Variants in PTGIS observed in about 807,000 individuals in gnomAD.
PTGIS encodes prostaglandin I2 synthase.
A neutral mutation model predicts 50.3 loss-of-function variants in PTGIS; 45 were observed. That is an observed-to-expected ratio of 0.90 (90% CI 0.70 to 1.15). PTGIS has a LOEUF of 1.15. Ranked by LOEUF, PTGIS falls within the 50% of genes most tolerant of loss-of-function variation. The pLI is 0.00. For synonymous variants in PTGIS, 260 were observed against 267.7 expected (o/e 0.97, Z 0.28); for missense variants, 668 against 661.3 (o/e 1.01, Z -0.11).
intron 1 of PTGIS, among the ~76,000 whole-genome samples, chr20:49,553,340 A>C: frequency 6.6e-6 from 1 of 152,138 alleles, no homozygotes; most frequent in East Asian, 1.9e-4. Flanking sequence ...GCAAAAAACA[A>C]AAAACACACA....
chr20:49,544,309 G>A lies in PTGIS; in HGVS notation c.517C>T (p.Leu173Phe). 6.2e-7 allele frequency: 1 copy of A among 1,614,126 alleles called. No individual in the cohort carries two copies. The highest frequency in any genetic ancestry group is 1.6e-4 in the Middle Eastern group (1 of 6,062). Residue 173 changes from leucine to phenylalanine, a missense_variant, in exon 4 of 10, where the codon CTC (leucine) becomes TTC (phenylalanine). Coordinates refer to ENST00000244043, the MANE Select transcript of PTGIS (RefSeq NM_000961.4). ...GTGGGGGCTGCACAGCCTCACCTGA[G>A]CAGGAAGCTGTAGGAGAAGTCGAGG... ...GLLDFSYSFL[L>F]RAGYLTLYGI... is the part of the protein sequence containing the mutation.
chr20:49,525,521 T>A (rs771215987), intron 5 of PTGIS, among the ~76,000 whole-genome samples: 1 of 151,956 alleles, frequency 6.6e-6, no homozygotes, highest in Non-Finnish European at 1.5e-5. Flanking sequence ...GGCAGACTGG[T>A]AAGGGGATAA....
intron 5 of PTGIS, among the ~76,000 whole-genome samples, chr20:49,534,057 A>G (rs1340210091): frequency 2.0e-5 from 3 of 152,134 alleles, no homozygotes; most frequent in African/African-American, 7.2e-5. Context: ...GTAACAGTAG[A>G]TTTCATTCAC....
chr20:49,536,454 TTTTCTTTC>T (rs1159152340), intron 5 of PTGIS, among the ~76,000 whole-genome samples: 1,762 of 141,748 alleles, frequency 0.012, 23 homozygotes, highest in Non-Finnish European at 0.018. Flanking sequence ...TCTTTTTTTC[TTTTCTTTC>T]TTTCTTTCTT....
At chr20:49,565,199 T>A (rs961630798) in intron 1 of PTGIS, among the ~76,000 whole-genome samples, 1 of 151,866 alleles carries the variant, frequency 6.6e-6, no homozygotes, top group African/African-American at 2.4e-5. Flanking sequence ...GCCAGAATGG[T>A]CTCGATCTCC....
At chr20:49,523,187 TTTGG>T (rs1211102473) in intron 6 of PTGIS, among the ~76,000 whole-genome samples, 1 of 152,192 alleles carries the variant, frequency 6.6e-6, no homozygotes. Context: ...TGATCATGTA[TTTGG>T]GCTCATTATC....
At position 49,543,310 on chromosome 20, in the gene PTGIS, G is replaced by C. The variant is rs748172740; in HGVS notation, c.521+995C>G. On this transcript the variant is annotated intron_variant, in intron 4 of 9. Coordinates refer to ENST00000244043, the MANE Select transcript of PTGIS (RefSeq NM_000961.4). Reference sequence around the variant, plus strand: ...TCTCTCACCTTGGTGACACCTGGCAGCCTCCTGCTAGGTCCTCCTGCCTCC... The same window carrying C: ...TCTCTCACCTTGGTGACACCTGGCACCCTCCTGCTAGGTCCTCCTGCCTCC... 3.6e-4 allele frequency among the ~76,000 whole-genome samples: 54 copies of C among 152,038 alleles called. 1 individual carries two copies. Among genetic ancestry groups the C allele is most frequent in the Non-Finnish European group, 1.3e-4 (9 of 67,992 alleles).
intron 6 of PTGIS, among the ~76,000 whole-genome samples, chr20:49,522,779 C>T (rs1601184513): frequency 1.3e-5 from 2 of 152,160 alleles, no homozygotes; most frequent in African/African-American, 2.4e-5. Context: ...AATCTCAGCA[C>T]CTTGGGAGGC....
chr20:49,516,885 G>C (rs925912733), intron 6 of PTGIS, among the ~76,000 whole-genome samples: 4 of 152,250 alleles, frequency 2.6e-5, no homozygotes, highest in African/African-American at 9.6e-5. Context: ...GACAGCCTGG[G>C]AGGTGGGCTA....
chr20:49,558,972 C>T (rs183047156), intron 1 of PTGIS, among the ~76,000 whole-genome samples: 2 of 152,194 alleles, frequency 1.3e-5, no homozygotes, highest in Admixed American at 1.3e-4. Flanking sequence ...CTCCGCTTCA[C>T]CAAGTGCTGG....
intron 6 of PTGIS, among the ~76,000 whole-genome samples, chr20:49,516,345 G>A (rs1280288105): frequency 2.6e-5 from 4 of 151,754 alleles, no homozygotes; most frequent in Admixed American, 1.3e-4. Flanking sequence ...TGGCACGATC[G>A]TGGCTCACTG....
At chr20:49,554,186 T>C (rs1982573678) in intron 1 of PTGIS, among the ~76,000 whole-genome samples, 1 of 152,196 alleles carries the variant, frequency 6.6e-6, no homozygotes, top group South Asian at 2.1e-4. Context: ...GAGAGAATAA[T>C]TCTCTCCATC....
Position 49,539,736 on chromosome 20 carries a change from C to G in PTGIS, c.522-15G>C, listed in dbSNP as rs1555804674. 3 of 1,607,094 alleles carry G rather than the reference C, an allele frequency of 1.9e-6. No homozygotes were observed. The East Asian group carries it at 6.7e-5, about 36-fold the overall frequency. On this transcript the variant is annotated splice_polypyrimidine_tract_variant and intron_variant, in intron 4 of 9. Coordinates refer to ENST00000244043, the MANE Select transcript of PTGIS (RefSeq NM_000961.4). ...GGTAGCCGGCTCTGGGGGCGGCAGA[C>G]AGAGGGTCAGGGGTCCTCCTGGGAC...
chr20:49,508,826 G>A (rs563675246), intron 9 of PTGIS, among the ~76,000 whole-genome samples: 1 of 152,338 alleles, frequency 6.6e-6, no homozygotes, highest in African/African-American at 2.4e-5. Context: ...GATGTAATCA[G>A]TGCCCCCATA....
At chr20:49,567,946 G>A in intron 1 of PTGIS, 97 bp downstream of exon 1, 1 of 1,206,866 alleles carries the variant, frequency 8.3e-7, no homozygotes, top group Non-Finnish European at 1.1e-6. Flanking sequence ...AGCGGGACTC[G>A]GGCCGGGCCG....
intron 6 of PTGIS, among the ~76,000 whole-genome samples, chr20:49,518,667 AC>A (rs1981562058): frequency 6.6e-6 from 1 of 151,554 alleles, no homozygotes; most frequent in African/African-American, 2.4e-5. Context: ...AAAAAAAAAA[AC>A]AAACAAAAAA....
Position 49,544,287 on chromosome 20 carries a change from G to C in PTGIS, c.521+18C>G. The C allele has an allele frequency of 6.2e-7, 1 of 1,613,750 alleles. No homozygotes were observed. Among genetic ancestry groups the C allele is most frequent in the Non-Finnish European group, 8.5e-7 (1 of 1,179,858 alleles). ...AGTGCCGGGCCCCAGCAGGAGGGTG[G>C]GGGCTGCACAGCCTCACCTGAGCAG... On this transcript the variant is annotated intron_variant, in intron 4 of 9. Coordinates refer to ENST00000244043, the MANE Select transcript of PTGIS (RefSeq NM_000961.4).
chr20:49,505,668 C>T lies in PTGIS; in HGVS notation c.*2252G>A, dbSNP rs1981132802. ...CGGCTTGCTTCCTTCCCTTCCCAGC[C>T]ACGATGAGGCAGCTGAGGGTTGCCA... On this transcript the variant is annotated 3_prime_UTR_variant, in exon 10 of 10. Coordinates refer to ENST00000244043, the MANE Select transcript of PTGIS (RefSeq NM_000961.4). 6.5e-6 allele frequency: 1 copy of T among 152,726 alleles called. No homozygotes were observed. 9.5% of individuals were successfully genotyped at this position (152,726 alleles called of 1,614,324 possible).
chr20:49,524,887 A>C (rs568760952), intron 5 of PTGIS, among the ~76,000 whole-genome samples: 62 of 152,358 alleles, frequency 4.1e-4, no homozygotes, highest in African/African-American at 1.5e-3. Flanking sequence ...TGGGAGCTAC[A>C]GTTCAAGATG....
Sources: gnomAD v4.1 joint callset for allele counts (sites outside exome capture counted in the v4.1 genomes callset) on GRCh38, gnomAD v4.1.1 for gene constraint, MANE v1.5 for transcripts, NCBI Gene and HGNC (gene_info 2026-07-23, HGNC 2026-07-21) for gene names.